Variants in CNTNAP4 observed in about 807,000 individuals in gnomAD.
CNTNAP4 encodes contactin associated protein family member 4, also known as contactin-associated protein-like 4.
A neutral mutation model predicts 148.4 loss-of-function variants in CNTNAP4; 98 were observed. That is an observed-to-expected ratio of 0.66 (90% CI 0.56 to 0.78). CNTNAP4 has a LOEUF of 0.78. Ranked by LOEUF, CNTNAP4 falls within the 30% of genes least tolerant of loss-of-function variation. The probability of loss-of-function intolerance (pLI) is 0.00; values close to 1 mark genes in which losing one functional copy is unlikely to be tolerated. For missense variants in CNTNAP4, 1,935 were observed against 1,565.6 expected, an observed-to-expected ratio of 1.24 and a Z score of -3.98; for synonymous variants, 730 against 565.1, an observed-to-expected ratio of 1.29 and a Z score of -4.14.
At chr16:76,315,151 G>A (rs1323860478) in intron 1 of CNTNAP4, among the ~76,000 whole-genome samples, 1 of 152,022 alleles carries the variant, frequency 6.6e-6, no homozygotes, top group African/African-American at 2.4e-5. Context: ...TTTGGCCATT[G>A]GGTATCTGGT....
rs569774618 is a variant in CNTNAP4 at position 76,406,647 on chromosome 16, A to T, written c.391-20805A>T. The stretch of plus-strand genomic sequence containing the variant: ...AACACATGAATGATAAGAAAGTGAA[A>T]TAACCCTATTGCTGATACGAAGACA... On this transcript the variant is annotated intron_variant, in intron 3 of 23. Transcript: ENST00000611870. Among the ~76,000 whole-genome samples, 120 of 152,304 alleles carry T rather than the reference A, an allele frequency of 7.9e-4. 1 individual carries two copies. Among genetic ancestry groups the T allele is most frequent in the African/African-American group, 2.8e-3 (118 of 41,582 alleles).
chr16:76,442,781 C>G (rs1466833224), intron 4 of CNTNAP4, among the ~76,000 whole-genome samples: 6 of 152,116 alleles, frequency 3.9e-5, no homozygotes, highest in Non-Finnish European at 8.8e-5. Flanking sequence ...ACCCTTTCCA[C>G]TGGGCCACAA....
chr16:76,551,013 T>G (rs774116994), intron 21 of CNTNAP4, among the ~76,000 whole-genome samples: 5 of 152,220 alleles, frequency 3.3e-5, no homozygotes, highest in Non-Finnish European at 7.3e-5. Context: ...CCATTTTCTT[T>G]TTATAGAGGA....
chr16:76,456,497 G>A (rs1449271197), intron 8 of CNTNAP4, among the ~76,000 whole-genome samples: 2 of 152,186 alleles, frequency 1.3e-5, no homozygotes, highest in Admixed American at 6.5e-5. Flanking sequence ...TTGTACAATA[G>A]CCTTGCTTCT....
At position 76,452,705 on chromosome 16, in the gene CNTNAP4, G is replaced by A. The variant is rs534954437; in HGVS notation, c.1269G>A (p.Leu423=). The A allele has an allele frequency of 6.2e-7, 1 of 1,612,046 alleles. No individual in the cohort carries two copies. Among genetic ancestry groups the A allele is most frequent in the South Asian group, 1.1e-5 (1 of 90,766 alleles). The change falls in exon 8 of 24, where the codon CTG becomes CTA. Residue 423 remains leucine, a synonymous_variant. Coordinates refer to ENST00000611870, the MANE Select transcript of CNTNAP4 (RefSeq NM_033401.5). Reference sequence around the variant, plus strand: ...TTTCAGGGGGTATCCTCCTCTTTCTGAGTGATGGAAAACTTAAGTCGAATC... The same window carrying A: ...TTTCAGGGGGTATCCTCCTCTTTCTAAGTGATGGAAAACTTAAGTCGAATC... ...QLISGGILLF[L]SDGKLKSNLY...
At chr16:76,458,711 G>A (rs1333984462) in intron 8 of CNTNAP4, among the ~76,000 whole-genome samples, 2 of 152,196 alleles carry the variant, frequency 1.3e-5, no homozygotes, top group African/African-American at 2.4e-5. Context: ...TTGCCTGCCA[G>A]CCACTCACCT....
chr16:76,423,027 A>G (rs539701489), intron 3 of CNTNAP4, among the ~76,000 whole-genome samples: 7 of 152,098 alleles, frequency 4.6e-5, no homozygotes, highest in Admixed American at 6.6e-5. Context: ...GACCCAAAGG[A>G]GCTCATTCAC....
chr16:76,445,698 A>G (rs2080213082), intron 4 of CNTNAP4, among the ~76,000 whole-genome samples: 1 of 152,204 alleles, frequency 6.6e-6, no homozygotes, highest in Non-Finnish European at 1.5e-5. Flanking sequence ...AAAAGAAAAA[A>G]AAAGTACTAG....
rs1960893086 is a variant in CNTNAP4, at chr16:76,309,791, A to G, written c.86-6622A>G. On this transcript the variant is annotated intron_variant, in intron 1 of 23. Transcript: ENST00000611870. The stretch of plus-strand genomic sequence containing the variant: ...CGGGCTTTCCCGTGCTATTCTCGTG[A>G]TAGTGAGTAAGTGTCATGAGATCTG... 6 of 697,192 alleles carry G rather than the reference A, an allele frequency of 8.6e-6. No homozygotes were observed. In the East Asian group the frequency reaches 1.6e-4, roughly 19 times the overall value. 43.2% of individuals were successfully genotyped at this position (697,192 alleles called of 1,614,324 possible).
chr16:76,355,356 C>A lies in CNTNAP4; in HGVS notation c.235C>A (p.Gln79Lys), dbSNP rs1332207241. ...GTCTCCACTTGTGTCTAACAAATAC[C>A]AGTGGTTGCAGATTGACCTTGGAGA... ...GWSPLVSNKY[Q>K]WLQIDLGERM... Residue 79 changes from glutamine to lysine, a missense_variant, in exon 3 of 24, where the codon CAG (glutamine) becomes AAG (lysine). Transcript: ENST00000611870. 3 of 1,597,180 alleles carry A rather than the reference C, an allele frequency of 1.9e-6. No homozygotes were observed. The highest frequency in any genetic ancestry group is 2.6e-6 in the Non-Finnish European group (3 of 1,171,408).
intron 3 of CNTNAP4, among the ~76,000 whole-genome samples, chr16:76,403,180 C>A (rs1303398312): frequency 6.6e-6 from 1 of 151,732 alleles, no homozygotes; most frequent in South Asian, 2.1e-4. Context: ...GCAAGCTCCA[C>A]CTTCCAGGTT....
chr16:76,299,003 A>G (rs111985014), intron 1 of CNTNAP4, among the ~76,000 whole-genome samples: 2,978 of 152,264 alleles, frequency 0.02, 102 homozygotes, highest in African/African-American at 0.066. Flanking sequence ...TTCAAGATGG[A>G]TTAAAGACTT....
At chr16:76,534,384 A>G (rs1459394161) in intron 17 of CNTNAP4, among the ~76,000 whole-genome samples, 1 of 152,228 alleles carries the variant, frequency 6.6e-6, no homozygotes, top group Non-Finnish European at 1.5e-5. Flanking sequence ...ATTTATATGT[A>G]AAGAGTACAT....
At chr16:76,336,191 T>A (rs1964008160) in intron 2 of CNTNAP4, among the ~76,000 whole-genome samples, 1 of 152,164 alleles carries the variant, frequency 6.6e-6, no homozygotes, top group African/African-American at 2.4e-5. Flanking sequence ...GAAAATTAGA[T>A]TGGGTTGGGA....
At chr16:76,391,235 C>T (rs940154844) in intron 3 of CNTNAP4, among the ~76,000 whole-genome samples, 63 of 152,254 alleles carry the variant, frequency 4.1e-4, no homozygotes, top group African/African-American at 1.4e-3. Flanking sequence ...TCTCCCGCTC[C>T]TTTGCATATG....
intron 1 of CNTNAP4, among the ~76,000 whole-genome samples, chr16:76,305,481 T>C (rs1286764062): frequency 2.0e-5 from 3 of 152,184 alleles, no homozygotes; most frequent in Non-Finnish European, 2.9e-5. Flanking sequence ...CTACGTAATT[T>C]ATTTTCATTG....
chr16:76,337,133 A>T (rs1183564123), intron 2 of CNTNAP4, among the ~76,000 whole-genome samples: 1 of 152,168 alleles, frequency 6.6e-6, no homozygotes, highest in Non-Finnish European at 1.5e-5. Context: ...TAAATGTTGG[A>T]TGGATTCTTT....
chr16:76,358,635 ATAAC>A (rs2013013082), intron 3 of CNTNAP4, among the ~76,000 whole-genome samples: 1 of 152,174 alleles, frequency 6.6e-6, no homozygotes, highest in Non-Finnish European at 1.5e-5. Flanking sequence ...TTCCTGTGTA[ATAAC>A]TAGTGAGATT....
intron 17 of CNTNAP4, among the ~76,000 whole-genome samples, chr16:76,524,954 G>T (rs561120762): frequency 6.6e-6 from 1 of 151,946 alleles, no homozygotes; most frequent in Non-Finnish European, 1.5e-5. Flanking sequence ...GTGATACTAA[G>T]GGAAGGGCTC....
Sources: allele counts gnomAD v4.1 joint callset (sites outside exome capture counted in the v4.1 genomes callset), GRCh38; gene constraint gnomAD v4.1.1; transcripts MANE v1.5; gene names NCBI Gene and HGNC (gene_info 2026-07-23, HGNC 2026-07-21).